The following STAG1 variants were observed in gnomAD, a reference collection of about 807,000 sequenced individuals.
STAG1 encodes cohesin subunit SA-1.
A neutral mutation model predicts 170.9 loss-of-function variants in STAG1; 26 were observed. That is an observed-to-expected ratio of 0.15 (90% CI 0.11 to 0.21). The LOEUF (loss-of-function observed/expected upper bound fraction) is 0.21, where lower values mean the gene tolerates loss of function less well. STAG1 is among the 10% of genes least tolerant of loss of function. STAG1 has a pLI of 1.00. For synonymous variants in STAG1, 514 were observed against 497.7 expected (o/e 1.03, Z -0.44); for missense variants, 964 against 1,509.5 (o/e 0.64, Z 5.99).
At chr3:136,710,100 C>A (rs1943341845) in intron 1 of STAG1, among the ~76,000 whole-genome samples, 1 of 152,118 alleles carries the variant, frequency 6.6e-6, no homozygotes, top group African/African-American at 2.4e-5. Context: ...AGATAAGTAT[C>A]AGACTTTATT....
chr3:136,516,581 G>A (rs1363525025), intron 7 of STAG1, among the ~76,000 whole-genome samples: 5 of 151,894 alleles, frequency 3.3e-5, no homozygotes, highest in African/African-American at 1.2e-4. Context: ...GTTCTTGAAA[G>A]TTTATCTACT....
In STAG1 at chr3:136,344,278, ACAT is replaced by A. The variant is rs141025680; in HGVS notation, c.3272-275_3272-273del. 6.4e-3 allele frequency among the ~76,000 whole-genome samples: 977 copies of A among 152,260 alleles called. 12 individuals carry two copies. The highest frequency in any genetic ancestry group is 0.022 in the African/African-American group (929 of 41,544). On this transcript the variant is annotated intron_variant, in intron 29 of 33. Transcript: ENST00000383202. ...TAACCACTGAATGTTAGCTATCATC[ACAT>A]CATCATCTCTTTAAGTCCCTCCATC...
At chr3:136,751,821 AGGGCGGGCTTGGCGGC>A (rs1409929903) in intron 1 of STAG1, among the ~76,000 whole-genome samples, 5 of 148,732 alleles carry the variant, frequency 3.4e-5, no homozygotes, top group Admixed American at 2.7e-4. Context: ...GGGGGGGCGG[AGGGCGGGCTTGGCGGC>A]GGGCCCGAGC....
intron 1 of STAG1, among the ~76,000 whole-genome samples, chr3:136,730,860 T>C (rs989471511): frequency 3.3e-5 from 5 of 152,252 alleles, no homozygotes; most frequent in Admixed American, 6.5e-5. Flanking sequence ...AGGTGGGCTA[T>C]AGCAATGATT....
At chr3:136,624,827 A>G (rs1165567810) in intron 2 of STAG1, among the ~76,000 whole-genome samples, 2 of 152,246 alleles carry the variant, frequency 1.3e-5, no homozygotes, top group Non-Finnish European at 2.9e-5. Context: ...GGAAGTGACA[A>G]ACAGTAGTAC....
intron 26 of STAG1, among the ~76,000 whole-genome samples, chr3:136,361,956 T>G (rs1222605451): frequency 6.6e-6 from 1 of 151,656 alleles, no homozygotes; most frequent in African/African-American, 2.4e-5. Flanking sequence ...TTAATGCTTC[T>G]TTTCTTTCTT....
At chr3:136,492,926 A>G (rs917049341) in intron 9 of STAG1, among the ~76,000 whole-genome samples, 3 of 152,264 alleles carry the variant, frequency 2.0e-5, no homozygotes, top group Admixed American at 2.0e-4. Flanking sequence ...TGACAATAAT[A>G]GCACAAAGGA....
chr3:136,651,376 TAAA>T (rs57372663), intron 1 of STAG1, among the ~76,000 whole-genome samples: 1 of 121,986 alleles, frequency 8.2e-6, no homozygotes, highest in Non-Finnish European at 1.7e-5. Context: ...ACCAAAAATT[TAAA>T]AAAAAAAAAA....
In STAG1 at chr3:136,569,442, AG is replaced by A. The variant is rs1401596017; in HGVS notation, c.298-582del. ...AAAAAAAAAACTTTCTAGGAAAATT[AG>A]GGTTCAATAAAATCTACTTAAAGGA... is the stretch of plus-strand genomic sequence containing the variant. On this transcript the variant is annotated intron_variant, in intron 4 of 33. Coordinates refer to ENST00000383202, the MANE Select transcript of STAG1 (RefSeq NM_005862.3). Among the ~76,000 whole-genome samples, 31 of 151,736 alleles carry A rather than the reference AG, an allele frequency of 2.0e-4. No homozygotes were observed. The South Asian group carries it at 3.1e-3, about 15-fold the overall frequency.
intron 3 of STAG1, among the ~76,000 whole-genome samples, chr3:136,612,536 C>CA (rs1272097326): frequency 6.6e-6 from 1 of 151,558 alleles, no homozygotes; most frequent in African/African-American, 2.4e-5. Context: ...AAAACAAGAA[C>CA]AAAAAAGTTA....
chr3:136,640,914 A>G (rs1466500625), intron 1 of STAG1, among the ~76,000 whole-genome samples: 1 of 152,178 alleles, frequency 6.6e-6, no homozygotes, highest in Non-Finnish European at 1.5e-5. Flanking sequence ...ACCTCAGGTG[A>G]TCTGCCCGCC....
rs370480047 is a variant in STAG1 at position 136,613,227 on chromosome 3, C to A, written c.133-8754G>T. ...GGCTGAGGCAGGAGAACGGTGTGAA[C>A]CCAGGAGGCGGAGCTTGCAGTGAGC... is the stretch of plus-strand genomic sequence containing the variant. On this transcript the variant is annotated intron_variant, in intron 3 of 33. Coordinates refer to ENST00000383202, the MANE Select transcript of STAG1 (RefSeq NM_005862.3). Among the ~76,000 whole-genome samples, 62 of 141,418 alleles carry A rather than the reference C, an allele frequency of 4.4e-4. 1 individual carries two copies. In the East Asian group the frequency reaches 0.013, roughly 30 times the overall value. 92.8% of individuals were successfully genotyped at this position (141,418 alleles called of 152,430 possible).
chr3:136,551,048 C>G (rs1009865596), intron 5 of STAG1, among the ~76,000 whole-genome samples: 3 of 152,094 alleles, frequency 2.0e-5, no homozygotes, highest in Admixed American at 1.3e-4. Context: ...ATTTCTCCAC[C>G]TCCTTCCACA....
At chr3:136,506,312 G>C (rs757016384) in intron 7 of STAG1, among the ~76,000 whole-genome samples, 5 of 151,996 alleles carry the variant, frequency 3.3e-5, no homozygotes, top group African/African-American at 1.2e-4. Context: ...TAGGTAGAGA[G>C]AAATTGTTAG....
intron 12 of STAG1, among the ~76,000 whole-genome samples, chr3:136,466,965 T>A (rs2089480856): frequency 6.6e-6 from 1 of 152,152 alleles, no homozygotes; most frequent in African/African-American, 2.4e-5. Context: ...AGAGATTTTG[T>A]CACCACCAAG....
At chr3:136,592,891 A>C (rs1222469372) in intron 4 of STAG1, among the ~76,000 whole-genome samples, 2 of 152,212 alleles carry the variant, frequency 1.3e-5, no homozygotes, top group Admixed American at 6.5e-5. Context: ...TTTCTGCTAC[A>C]ACTTGGTATA....
chr3:136,695,322 A>G (rs903468442), intron 1 of STAG1, among the ~76,000 whole-genome samples: 7 of 152,000 alleles, frequency 4.6e-5, no homozygotes, highest in African/African-American at 1.7e-4. Flanking sequence ...CTGTAGTCCC[A>G]GCTACTCAGG....
chr3:136,687,714 T>C (rs1014583797), intron 1 of STAG1, among the ~76,000 whole-genome samples: 6 of 151,664 alleles, frequency 4.0e-5, no homozygotes, highest in African/African-American at 1.5e-4. Context: ...TCTAGAAAAA[T>C]GAAGGTATCT....
chr3:136,715,669 G>C (rs1050849890), intron 1 of STAG1, among the ~76,000 whole-genome samples: 2 of 151,464 alleles, frequency 1.3e-5, no homozygotes, highest in Non-Finnish European at 2.9e-5. Context: ...TTAACTTTAT[G>C]TGTTTTATTT....
Sources: gnomAD v4.1 joint callset for allele counts (sites outside exome capture counted in the v4.1 genomes callset) on GRCh38, gnomAD v4.1.1 for gene constraint, MANE v1.5 for transcripts, NCBI Gene and HGNC (gene_info 2026-07-23, HGNC 2026-07-21) for gene names.